The following GUCY1B1 variants were observed in gnomAD, a reference collection of about 807,000 sequenced individuals.
The protein encoded by GUCY1B1 is guanylate cyclase 1 soluble subunit beta 1.
A neutral mutation model predicts 71.0 loss-of-function variants in GUCY1B1; 43 were observed. The observed-to-expected ratio is 0.61, with a 90% CI of 0.47 to 0.78. The LOEUF (loss-of-function observed/expected upper bound fraction) is 0.78, where lower values mean the gene tolerates loss of function less well. Among genes scored for constraint, GUCY1B1 ranks in the 30% least tolerant of loss-of-function variants. The pLI is 0.00. For missense variants in GUCY1B1, 535 were observed against 754.1 expected (o/e 0.71, Z 3.40); for synonymous variants, 266 against 259.7 (o/e 1.02, Z -0.23).
At chr4:155,793,647 T>A (rs1385792373) in intron 5 of GUCY1B1, among the ~76,000 whole-genome samples, 1 of 152,190 alleles carries the variant, frequency 6.6e-6, no homozygotes, top group Non-Finnish European at 1.5e-5. Flanking sequence ...AGATTTGTAA[T>A]TTTACAATGA....
At chr4:155,781,404 T>C (rs903259215) in intron 4 of GUCY1B1, among the ~76,000 whole-genome samples, 2 of 152,192 alleles carry the variant, frequency 1.3e-5, no homozygotes, top group African/African-American at 4.8e-5. Flanking sequence ...TAACATATCT[T>C]TCCCCTTGAA....
chr4:155,775,076 G>T lies in GUCY1B1; in HGVS notation c.178+8G>T. ...CTGCAAGCAAAGTCCTCAGTAAGTT[G>T]AATGCAACTTTCCTTCTTTGGCCAA... On this transcript the variant is annotated splice_region_variant and intron_variant, in intron 3 of 13. Coordinates refer to ENST00000264424, the MANE Select transcript of GUCY1B1 (RefSeq NM_000857.5). 1 of 1,445,030 alleles carries T rather than the reference G, an allele frequency of 6.9e-7. No homozygotes were observed. Among genetic ancestry groups the T allele is most frequent in the Non-Finnish European group, 9.7e-7 (1 of 1,026,922 alleles). 89.5% of individuals were successfully genotyped at this position (1,445,030 alleles called of 1,614,324 possible).
At position 155,772,474 on chromosome 4, in the gene GUCY1B1, G is replaced by T; in HGVS notation, c.78-2494G>T. On this transcript the variant is annotated intron_variant, in intron 2 of 13. Transcript: ENST00000264424. The stretch of plus-strand genomic sequence containing the variant: ...CTGTTGCCCAGGCTGAAATGCAGTG[G>T]CAAGATCACGCCTCACTGAGGCCTC... 7.3e-6 allele frequency: 3 copies of T among 408,170 alleles called. No individual in the cohort carries two copies. The South Asian group carries it at 1.2e-4, about 17-fold the overall frequency. The allele number at this position is 408,170 out of a possible 1,614,324, so 25.3% of individuals were successfully genotyped here. A position where few individuals can be genotyped will look rare whatever the true frequency, so the allele number is the denominator to read the frequency against.
chr4:155,791,205 C>T (rs1290038986), intron 5 of GUCY1B1, among the ~76,000 whole-genome samples: 23 of 151,450 alleles, frequency 1.5e-4, no homozygotes, highest in Admixed American at 1.5e-3. Context: ...AGCTCCACCT[C>T]CCGGGTTCAC....
intron 4 of GUCY1B1, among the ~76,000 whole-genome samples, chr4:155,784,097 GT>G (rs1738611175): frequency 6.6e-6 from 1 of 151,948 alleles, no homozygotes; most frequent in South Asian, 2.1e-4. Context: ...TATTTTAACT[GT>G]TTTTCTTTAA....
intron 2 of GUCY1B1, among the ~76,000 whole-genome samples, chr4:155,760,200 G>T (rs555266219): frequency 1.1e-4 from 16 of 152,142 alleles, no homozygotes; most frequent in Non-Finnish European, 2.1e-4. Context: ...GAGCCCCGAG[G>T]GACCACACGG....
chr4:155,799,909 G>C lies in GUCY1B1; in HGVS notation c.1010G>C (p.Gly337Ala). ...VMNLDDLTRR[G>A]LYLSDIPLHD... is the part of the protein sequence containing the mutation. ...AACCTGGACGATTTGACAAGGAGAG[G>C]GCTGTATCTAAGTGACATCCCTCTG... Residue 337 changes from glycine (G) to alanine (A), a missense_variant, in exon 9 of 14, where the codon GGG (glycine) becomes GCG (alanine). Gly to Ala is a moderately conservative substitution (Grantham distance 60). Coordinates refer to ENST00000264424, the MANE Select transcript of GUCY1B1 (RefSeq NM_000857.5). The C allele has an allele frequency of 1.9e-6, 3 of 1,612,742 alleles. No homozygotes were observed. The highest frequency in any genetic ancestry group is 2.5e-6 in the Non-Finnish European group (3 of 1,179,010).
At position 155,802,195 on chromosome 4, in the gene GUCY1B1, A is replaced by G. The variant is rs2276902; in HGVS notation, c.1176-147A>G. The G allele has an allele frequency of 1.9e-4, 281 of 1,483,140 alleles. 2 individuals are homozygous for G. In the East Asian group the frequency reaches 6.9e-3, roughly 36 times the overall value. The allele number at this position is 1,483,140 out of a possible 1,614,324, so 91.9% of individuals were successfully genotyped here. A position where few individuals can be genotyped will look rare whatever the true frequency, so the allele number is the denominator to read the frequency against. On this transcript the variant is annotated intron_variant, in intron 9 of 13. Transcript: ENST00000264424. This position sits in a 1 kb window ranked among gnomAD's most constrained non-coding sequence, Gnocchi z 4.3. Reference sequence around the variant, plus strand: ...ATCCTTGCTTATAAATACAGCTAATATTTGATGCTAATTTTAGAGGATGTC... The same window carrying G: ...ATCCTTGCTTATAAATACAGCTAATGTTTGATGCTAATTTTAGAGGATGTC...
chr4:155,767,401 G>A (rs1475901657), intron 2 of GUCY1B1, among the ~76,000 whole-genome samples: 2 of 152,066 alleles, frequency 1.3e-5, no homozygotes, highest in Non-Finnish European at 1.5e-5. Context: ...AAGTTTTGTG[G>A]ATATGTTTTC....
chr4:155,799,788 G>T, intron 8 of GUCY1B1, 89 bp from the exon 9 acceptor site: 1 of 668,352 alleles, frequency 1.5e-6, no homozygotes, highest in South Asian at 2.1e-5. Flanking sequence ...GGTAGGAGGT[G>T]GCAGGATCAG....
At chr4:155,765,398 T>G (rs1251922072) in intron 2 of GUCY1B1, among the ~76,000 whole-genome samples, 1 of 152,174 alleles carries the variant, frequency 6.6e-6, no homozygotes, top group Non-Finnish European at 1.5e-5. Flanking sequence ...TACTTGCAGC[T>G]TTTTCATTCT....
intron 4 of GUCY1B1, chr4:155,785,294 C>A: frequency 6.8e-7 from 1 of 1,472,664 alleles, no homozygotes. Flanking sequence ...TTCAGATTTA[C>A]ATCATTGTTT....
intron 4 of GUCY1B1, chr4:155,785,409 T>G (rs1738697140): frequency 1.5e-6 from 1 of 649,886 alleles, no homozygotes. Context: ...CACACAGCTC[T>G]TTACTTTCTG....
At chr4:155,764,409 C>A (rs1737196291) in intron 2 of GUCY1B1, among the ~76,000 whole-genome samples, 1 of 152,058 alleles carries the variant, frequency 6.6e-6, no homozygotes, top group Admixed American at 6.6e-5. Flanking sequence ...AGGTTAATTC[C>A]CATATGTAAT....
At chr4:155,786,222 A>T (rs142394110) in intron 4 of GUCY1B1, among the ~76,000 whole-genome samples, 72 of 151,982 alleles carry the variant, frequency 4.7e-4, no homozygotes, top group African/African-American at 1.3e-3. Context: ...CATTCTGTAT[A>T]GAAAAAATAT....
At chr4:155,794,477 AG>A (rs1382490674) in intron 6 of GUCY1B1, among the ~76,000 whole-genome samples, 1 of 152,142 alleles carries the variant, frequency 6.6e-6, no homozygotes, top group Non-Finnish European at 1.5e-5. Flanking sequence ...TTAAGGGAAA[AG>A]GGGGGATTTT....
intron 4 of GUCY1B1, chr4:155,785,377 G>A (rs1382532490): frequency 2.4e-6 from 2 of 835,750 alleles, no homozygotes; most frequent in Non-Finnish European, 3.8e-6. Flanking sequence ...CATACATATG[G>A]ACATACTTCT....
intron 13 of GUCY1B1, among the ~76,000 whole-genome samples, chr4:155,805,717 A>T (rs1373852765): frequency 1.3e-5 from 2 of 152,148 alleles, no homozygotes; most frequent in Non-Finnish European, 2.9e-5. Flanking sequence ...CTAGTCCCTC[A>T]TGTGTTTCTC....
chr4:155,782,495 A>C (rs142361129), intron 4 of GUCY1B1, among the ~76,000 whole-genome samples: 1 of 152,310 alleles, frequency 6.6e-6, no homozygotes, highest in East Asian at 1.9e-4. Flanking sequence ...AGGAATGTTC[A>C]GTTTAATGTT....
Sources: gnomAD v4.1 joint callset for allele counts (sites outside exome capture counted in the v4.1 genomes callset) on GRCh38, gnomAD v4.1.1 for gene constraint, Gnocchi (gnomAD v3.1) non-coding constraint, MANE v1.5 for transcripts, NCBI Gene and HGNC (gene_info 2026-07-23, HGNC 2026-07-21) for gene names.